The following CNGB3 variants were observed in gnomAD, a reference collection of about 807,000 sequenced individuals.
The protein encoded by CNGB3 is cyclic nucleotide-gated channel beta-3.
A neutral mutation model predicts 92.8 loss-of-function variants in CNGB3; 86 were observed. That is an observed-to-expected ratio of 0.93 (90% CI 0.78 to 1.11). The LOEUF (loss-of-function observed/expected upper bound fraction) is 1.11, where lower values mean the gene tolerates loss of function less well. CNGB3 is among the 50% of genes least tolerant of loss of function. The probability of loss-of-function intolerance (pLI) is 0.00; values close to 1 mark genes in which losing one functional copy is unlikely to be tolerated. For synonymous variants in CNGB3, 333 were observed against 332.7 expected, an observed-to-expected ratio of 1.00 and a Z score of -0.01; for missense variants, 1,026 against 956.8, an observed-to-expected ratio of 1.07 and a Z score of -0.95.
chr8:86,743,088 G>T (rs112979393), intron 1 of CNGB3, among the ~76,000 whole-genome samples: 1 of 152,088 alleles, frequency 6.6e-6, no homozygotes, highest in Middle Eastern at 3.4e-3. Flanking sequence ...TGGTAAAATC[G>T]CTCTCAATTG....
rs1296464372 is a variant in CNGB3, at chr8:86,743,581, T to C, written c.47A>G (p.Glu16Gly). The C allele has an allele frequency of 5.6e-6, 9 of 1,614,042 alleles. No individual in the cohort carries two copies. The highest frequency in any genetic ancestry group is 7.6e-6 in the Non-Finnish European group (9 of 1,179,908). ...TKVNKVKPIGENNENEQSSRR... is the reference protein window; with the variant it reads ...TKVNKVKPIGGNNENEQSSRR... ...AGAACTTTGTTCATTCTCATTGTTCTCTCCTATAGGCTTCACCTTGTTGAC... is the reference window on the plus strand; with the variant it reads ...AGAACTTTGTTCATTCTCATTGTTCCCTCCTATAGGCTTCACCTTGTTGAC... The change falls in exon 1 of 18, where the codon GAG becomes GGG. Residue 16 changes from glutamate (E) to glycine (G), a missense_variant. Physicochemically the swap from Glu to Gly is moderately conservative, Grantham distance 98. Coordinates refer to ENST00000320005, the MANE Select transcript of CNGB3 (RefSeq NM_019098.5).
At chr8:86,634,709 C>G (rs1823028798) in intron 10 of CNGB3, among the ~76,000 whole-genome samples, 1 of 151,372 alleles carries the variant, frequency 6.6e-6, no homozygotes, top group Non-Finnish European at 1.5e-5. Flanking sequence ...GAATCCTGCC[C>G]TAGTCGAGCT....
chr8:86,704,700 A>G (rs1186539234), intron 3 of CNGB3, among the ~76,000 whole-genome samples: 1 of 152,190 alleles, frequency 6.6e-6, no homozygotes, highest in Non-Finnish European at 1.5e-5. Flanking sequence ...ACTCAAGAGT[A>G]CAATTTCTCA....
At chr8:86,724,422 A>G (rs1825023400) in intron 3 of CNGB3, among the ~76,000 whole-genome samples, 2 of 152,166 alleles carry the variant, frequency 1.3e-5, no homozygotes, top group Non-Finnish European at 2.9e-5. Context: ...GAAGCTGTAT[A>G]GTTTTGAAAA....
intron 12 of CNGB3, among the ~76,000 whole-genome samples, chr8:86,626,338 C>T (rs1822848178): frequency 6.6e-6 from 1 of 152,190 alleles, no homozygotes; most frequent in Non-Finnish European, 1.5e-5. Flanking sequence ...GAACATTATG[C>T]TTGCTGAAAC....
intron 3 of CNGB3, among the ~76,000 whole-genome samples, chr8:86,709,193 A>G (rs931131526): frequency 1.3e-5 from 2 of 152,182 alleles, no homozygotes; most frequent in Non-Finnish European, 2.9e-5. Flanking sequence ...GTGGCCTTAG[A>G]TGCAAGTTTG....
intron 15 of CNGB3, among the ~76,000 whole-genome samples, chr8:86,580,461 G>A (rs1181398283): frequency 6.6e-6 from 1 of 152,166 alleles, no homozygotes; most frequent in Non-Finnish European, 1.5e-5. Context: ...AGCACTTCAT[G>A]ATGCCCTGGT....
At position 86,689,788 on chromosome 8, in the gene CNGB3, A is replaced by G. The variant is rs114643350; in HGVS notation, c.339-18690T>C. ...CAAGTGTTCTCATTGTTCAATTCCC[A>G]CCTGTTGTGTGAGAACATGCGGTGT... On this transcript the variant is annotated intron_variant, in intron 3 of 17. Coordinates refer to ENST00000320005, the MANE Select transcript of CNGB3 (RefSeq NM_019098.5). Among the ~76,000 whole-genome samples, 374 of 145,096 alleles carry G rather than the reference A, an allele frequency of 2.6e-3. 1 individual carries two copies. The highest frequency in any genetic ancestry group is 9.2e-3 in the African/African-American group (359 of 38,870).
At chr8:86,640,126 C>T (rs888541017) in intron 10 of CNGB3, among the ~76,000 whole-genome samples, 1 of 151,900 alleles carries the variant, frequency 6.6e-6, no homozygotes, top group African/African-American at 2.4e-5. Flanking sequence ...GTTACTTGAC[C>T]TGTCAATAAT....
At chr8:86,704,076 T>G (rs1194657361) in intron 3 of CNGB3, 1 of 152,218 alleles carries the variant, frequency 6.6e-6, no homozygotes. Context: ...TAACTACTAA[T>G]AGCCTACTGT....
intron 6 of CNGB3, chr8:86,661,502 C>A (rs770294830): frequency 4.7e-6 from 3 of 643,710 alleles, no homozygotes; most frequent in Non-Finnish European, 5.9e-6. Flanking sequence ...CTTGCACTGA[C>A]CCAAACACCA....
intron 3 of CNGB3, among the ~76,000 whole-genome samples, chr8:86,675,284 G>C (rs2131622671): frequency 6.6e-6 from 1 of 152,250 alleles, no homozygotes; most frequent in South Asian, 2.1e-4. Context: ...GGTTGCTCAA[G>C]CTGGTCTCAA....
chr8:86,574,620 C>T lies in CNGB3; in HGVS notation c.*1184G>A, dbSNP rs1563710523. 1 of 152,166 alleles carries T rather than the reference C, an allele frequency of 6.6e-6. No individual in the cohort carries two copies. The highest frequency in any genetic ancestry group is 1.5e-5 in the Non-Finnish European group (1 of 68,006). The allele number at this position is 152,166 out of a possible 1,614,324, so 9.4% of individuals were successfully genotyped here. ...AAACCCTCTCAGCAAAGTGCTGTTA[C>T]AGTGACCATCTTTGGAGACTTGGAA... On this transcript the variant is annotated 3_prime_UTR_variant, in exon 18 of 18. Transcript: ENST00000320005.
intron 6 of CNGB3, chr8:86,657,447 T>C: frequency 1.9e-6 from 1 of 514,966 alleles, no homozygotes. Flanking sequence ...CAGGGGTTGC[T>C]GCCCAAGCCT....
chr8:86,652,520 G>A (rs1287105231), intron 7 of CNGB3, among the ~76,000 whole-genome samples: 1 of 151,814 alleles, frequency 6.6e-6, no homozygotes, highest in Non-Finnish European at 1.5e-5. Flanking sequence ...TCATTGTGCA[G>A]CTATACAAAA....
chr8:86,714,633 A>C (rs72694125), intron 3 of CNGB3, among the ~76,000 whole-genome samples: 74 of 152,234 alleles, frequency 4.9e-4, no homozygotes, highest in South Asian at 3.7e-3. Flanking sequence ...TATCAGGAAA[A>C]CTGAGAGAAT....
chr8:86,709,454 A>C (rs1824710523), intron 3 of CNGB3, among the ~76,000 whole-genome samples: 1 of 152,190 alleles, frequency 6.6e-6, no homozygotes, highest in Non-Finnish European at 1.5e-5. Flanking sequence ...TGCTGCCCAC[A>C]TAAAGAGCAT....
intron 7 of CNGB3, among the ~76,000 whole-genome samples, chr8:86,649,268 C>A (rs1482313593): frequency 6.6e-6 from 1 of 151,486 alleles, no homozygotes; most frequent in African/African-American, 2.4e-5. Context: ...AGATCCAATG[C>A]AATTCCCATC....
At chr8:86,636,370 G>A (rs1823071393) in intron 10 of CNGB3, among the ~76,000 whole-genome samples, 1 of 151,750 alleles carries the variant, frequency 6.6e-6, no homozygotes, top group African/African-American at 2.4e-5. Context: ...TTGGGAGTTT[G>A]AGACCAGTCT....
Sources: allele counts gnomAD v4.1 joint callset (sites outside exome capture counted in the v4.1 genomes callset), GRCh38; gene constraint gnomAD v4.1.1; transcripts MANE v1.5; gene names NCBI Gene and HGNC (gene_info 2026-07-23, HGNC 2026-07-21).